TENM3: variants seen among roughly 807,000 people sequenced by gnomAD.
TENM3 encodes teneurin-3.
Under a neutral mutation model 255.1 loss-of-function variants are expected in TENM3, and 63 were observed. The observed-to-expected ratio is 0.25, with a 90% CI of 0.20 to 0.30. The LOEUF is 0.30. TENM3 is among the 10% of genes least tolerant of loss of function. TENM3 has a pLI of 1.00. For synonymous variants in TENM3, 1,306 were observed against 1,322.3 expected (o/e 0.99, Z 0.27); for missense variants, 2,929 against 3,461.1 (o/e 0.85, Z 3.86).
At chr4:181,933,779 C>A in the TENM3 span, among the ~76,000 whole-genome samples, 1 of 152,082 alleles carries the variant, frequency 6.6e-6, no homozygotes, top group South Asian at 2.1e-4. Context: ...TTAATTCTAG[C>A]CCAAACCAAG....
chr4:182,771,561 A>AT (rs541886199), intron 22 of TENM3, among the ~76,000 whole-genome samples: 32 of 152,074 alleles, frequency 2.1e-4, no homozygotes, highest in East Asian at 7.7e-4. Context: ...AAGGGCATTA[A>AT]TTTTTTTTAA....
At chr4:182,100,828 T>TATACTC in the TENM3 span, among the ~76,000 whole-genome samples, 2 of 7,732 alleles carry the variant, frequency 2.6e-4, 1 homozygote, top group African/African-American at 5.7e-4. Context: ...TACACATATA[T>TATACTC]ATATATATAT....
the TENM3 span, among the ~76,000 whole-genome samples, chr4:181,617,794 T>C: frequency 2.0e-5 from 3 of 152,176 alleles, no homozygotes; most frequent in Non-Finnish European, 2.9e-5. Flanking sequence ...TTACCATGAG[T>C]AAACTGGATA....
chr4:182,672,369 G>GA, intron 6 of TENM3, among the ~76,000 whole-genome samples: 1 of 152,262 alleles, frequency 6.6e-6, no homozygotes, highest in African/African-American at 2.4e-5. Flanking sequence ...AGGCTCAAAA[G>GA]AAAGAGGAAA....
At chr4:182,383,296 A>G (rs1580361934) in intron 3 of TENM3, among the ~76,000 whole-genome samples, 1 of 152,038 alleles carries the variant, frequency 6.6e-6, no homozygotes, top group Non-Finnish European at 1.5e-5. Flanking sequence ...TTCTCTCTAA[A>G]CTGATTTAGC....
chr4:182,648,044 C>T (rs1752909699), intron 5 of TENM3, among the ~76,000 whole-genome samples: 1 of 152,260 alleles, frequency 6.6e-6, no homozygotes, highest in Admixed American at 6.5e-5. Context: ...TCACTCTTTC[C>T]TTTTCCTCCC....
the TENM3 span, among the ~76,000 whole-genome samples, chr4:181,580,277 C>A: frequency 6.6e-6 from 1 of 152,078 alleles, no homozygotes; most frequent in African/African-American, 2.4e-5. Flanking sequence ...GGATTACAAA[C>A]GTGAGCCACC....
At chr4:181,947,016 T>G in the TENM3 span, among the ~76,000 whole-genome samples, 1 of 152,120 alleles carries the variant, frequency 6.6e-6, no homozygotes, top group East Asian at 1.9e-4. Context: ...CTTAGGAAAA[T>G]TCATTAAGAT....
At chr4:181,508,778 C>G in the TENM3 span, among the ~76,000 whole-genome samples, 1 of 151,970 alleles carries the variant, frequency 6.6e-6, no homozygotes, top group Non-Finnish European at 1.5e-5. Flanking sequence ...CCCACTGATG[C>G]CAGGAAGGTC....
chr4:182,736,697 G>A, intron 16 of TENM3, 111 bp from the exon 17 acceptor site: 1 of 1,045,430 alleles, frequency 9.6e-7, no homozygotes, highest in Non-Finnish European at 1.3e-6. Context: ...AGTAAACTAA[G>A]ACACAGAGAG....
At chr4:181,974,493 A>G in the TENM3 span, among the ~76,000 whole-genome samples, 1 of 152,068 alleles carries the variant, frequency 6.6e-6, no homozygotes, top group South Asian at 2.1e-4. Context: ...GCTTGAACCC[A>G]GGAGGAGGAG....
intron 1 of TENM3, among the ~76,000 whole-genome samples, chr4:182,234,889 G>A (rs889283367): frequency 2.0e-5 from 3 of 152,134 alleles, no homozygotes; most frequent in Admixed American, 6.5e-5. Flanking sequence ...GCTAACTTGC[G>A]GGAAGATGGG....
the TENM3 span, among the ~76,000 whole-genome samples, chr4:181,810,752 G>A: frequency 4.2e-4 from 64 of 152,136 alleles, no homozygotes; most frequent in Non-Finnish European, 6.6e-4. Flanking sequence ...AAGAAGGGAC[G>A]TTACTTCCTC....
In TENM3 at chr4:182,264,543, A is replaced by G. The variant is rs762515357; in HGVS notation, c.-76+21067A>G. Among the ~76,000 whole-genome samples, 75 of 152,362 alleles carry G rather than the reference A, an allele frequency of 4.9e-4. 1 individual carries two copies. The highest frequency in any genetic ancestry group is 3.9e-3 in the Admixed American group (60 of 15,302). ...TACTCTAGACTCCTTCTGGGAAAAA[A>G]GACAGAGACTGTCCTGTGCTGTAGC... On this transcript the variant is annotated intron_variant, in intron 1 of 27. Transcript: ENST00000511685.
intron 3 of TENM3, among the ~76,000 whole-genome samples, chr4:182,386,376 TAGTG>T (rs1376667569): frequency 2.6e-5 from 4 of 152,162 alleles, no homozygotes; most frequent in African/African-American, 7.2e-5. Context: ...ATATATAAAA[TAGTG>T]AGAGGTGACA....
intron 1 of TENM3, among the ~76,000 whole-genome samples, chr4:182,305,616 G>A (rs537701783): frequency 1.3e-5 from 2 of 152,268 alleles, no homozygotes; most frequent in East Asian, 3.9e-4. Context: ...CTTAAACTAG[G>A]TCCTTCCGAT....
the TENM3 span, among the ~76,000 whole-genome samples, chr4:181,701,242 T>C: frequency 6.6e-6 from 1 of 152,222 alleles, no homozygotes; most frequent in Non-Finnish European, 1.5e-5. Flanking sequence ...TCACTTTTCA[T>C]TAATCACACC....
At chr4:181,584,965 G>A in the TENM3 span, among the ~76,000 whole-genome samples, 161 of 136,818 alleles carry the variant, frequency 1.2e-3, no homozygotes, top group African/African-American at 4.2e-3. Context: ...CCATATAGTT[G>A]AATTGAGGAA....
chr4:182,114,157 A>G, the TENM3 span, among the ~76,000 whole-genome samples: 5 of 152,234 alleles, frequency 3.3e-5, no homozygotes, highest in African/African-American at 7.2e-5. Context: ...TATGCATTTC[A>G]AAGCCATATA....
Sources: allele counts gnomAD v4.1 joint callset (sites outside exome capture counted in the v4.1 genomes callset), GRCh38; gene constraint gnomAD v4.1.1; transcripts MANE v1.5; gene names NCBI Gene and HGNC (gene_info 2026-07-23, HGNC 2026-07-21).